Variants in NT5C2 observed in about 807,000 individuals in gnomAD.
NT5C2 encodes cytosolic purine 5'-nucleotidase.
NT5C2 carries 58 observed loss-of-function variants against 76.1 expected under a neutral mutation model. That is an observed-to-expected ratio of 0.76 (90% CI 0.62 to 0.95). The LOEUF (loss-of-function observed/expected upper bound fraction) is 0.95, where lower values mean the gene tolerates loss of function less well. Among genes scored for constraint, NT5C2 ranks in the 40% least tolerant of loss-of-function variants. The pLI is 0.00. For missense variants in NT5C2, 478 were observed against 690.3 expected (o/e 0.69, Z 3.45); for synonymous variants, 229 against 237.4 (o/e 0.96, Z 0.32).
At chr10:103,117,702 A>G (rs2074686156) in intron 4 of NT5C2, among the ~76,000 whole-genome samples, 1 of 152,230 alleles carries the variant, frequency 6.6e-6, no homozygotes. Flanking sequence ...TCCAGAAGCA[A>G]TATGTATTTA....
At chr10:103,162,237 A>T (rs184528706) in intron 3 of NT5C2, among the ~76,000 whole-genome samples, 1 of 152,006 alleles carries the variant, frequency 6.6e-6, no homozygotes, top group East Asian at 1.9e-4. Context: ...GATGGTCTCG[A>T]TCTCTTGACC....
intron 1 of NT5C2, among the ~76,000 whole-genome samples, chr10:103,189,771 C>A (rs921821120): frequency 1.3e-5 from 2 of 150,710 alleles, no homozygotes; most frequent in Non-Finnish European, 3.0e-5. Context: ...CAGGTTCAAG[C>A]GATTCTCGTG....
chr10:103,150,641 C>T (rs1485396742), intron 3 of NT5C2, among the ~76,000 whole-genome samples: 1 of 152,168 alleles, frequency 6.6e-6, no homozygotes. Flanking sequence ...ATGAGAGTTA[C>T]CATTGCTCCA....
chr10:103,176,844 A>G (rs1424513290), intron 2 of NT5C2, among the ~76,000 whole-genome samples: 1 of 151,922 alleles, frequency 6.6e-6, no homozygotes, highest in African/African-American at 2.4e-5. Flanking sequence ...TCATGTGGAA[A>G]CCTCCAGCTT....
chr10:103,114,224 C>G (rs905545462), intron 4 of NT5C2, among the ~76,000 whole-genome samples: 5 of 151,962 alleles, frequency 3.3e-5, no homozygotes, highest in Admixed American at 3.3e-4. Flanking sequence ...ACCAGCCTGG[C>G]CAATATGGTG....
At chr10:103,185,050 T>C (rs1449087541) in intron 1 of NT5C2, among the ~76,000 whole-genome samples, 1 of 152,198 alleles carries the variant, frequency 6.6e-6, no homozygotes, top group African/African-American at 2.4e-5. Flanking sequence ...ATTGCTACTA[T>C]CCTGCCATAT....
intron 4 of NT5C2, among the ~76,000 whole-genome samples, chr10:103,118,361 CTTT>C (rs35763505): frequency 1.5e-5 from 2 of 137,766 alleles, no homozygotes; most frequent in Non-Finnish European, 3.1e-5. Flanking sequence ...ATTTCTTTTC[CTTT>C]TTTTTTTTTT....
intron 3 of NT5C2, among the ~76,000 whole-genome samples, chr10:103,145,018 C>A (rs1226361302): frequency 6.6e-6 from 1 of 152,080 alleles, no homozygotes; most frequent in Non-Finnish European, 1.5e-5. Flanking sequence ...TTTTCTTTCC[C>A]TAATCTAGGC....
At chr10:103,094,240 G>T in intron 13 of NT5C2, 108 bp downstream of exon 13, 1 of 778,624 alleles carries the variant, frequency 1.3e-6, no homozygotes, top group South Asian at 1.7e-5. Flanking sequence ...AGAGAGATAC[G>T]GCTAATTAAA....
chr10:103,105,520 T>C (rs2071011471), intron 6 of NT5C2, 186 bp downstream of exon 6: 1 of 534,856 alleles, frequency 1.9e-6, no homozygotes, highest in Non-Finnish European at 3.2e-6. Flanking sequence ...AAAATGTAAT[T>C]GCTAACTATA....
intron 9 of NT5C2, 96 bp from the exon 10 acceptor site, chr10:103,099,080 CCTTT>C (rs747887104): frequency 1.3e-5 from 13 of 973,498 alleles, no homozygotes; most frequent in Non-Finnish European, 1.9e-5. Context: ...CAACCCAAAT[CCTTT>C]CTTTTTTTGA....
intron 4 of NT5C2, among the ~76,000 whole-genome samples, chr10:103,138,995 G>A (rs183103325): frequency 2.6e-4 from 39 of 150,098 alleles, no homozygotes; most frequent in Non-Finnish European, 4.3e-4. Flanking sequence ...GGACAAGAGC[G>A]AAACTCCGTC....
intron 1 of NT5C2, among the ~76,000 whole-genome samples, chr10:103,189,619 A>G (rs2135517811): frequency 6.6e-6 from 1 of 151,530 alleles, no homozygotes; most frequent in East Asian, 1.9e-4. Context: ...AAAAAAACGA[A>G]AAAAAAAACA....
intron 18 of NT5C2, 161 bp from the exon 19 acceptor site, chr10:103,090,069 G>A (rs2066320415): frequency 1.9e-6 from 1 of 520,658 alleles, no homozygotes; most frequent in Non-Finnish European, 3.3e-6. Context: ...ACTTATAGTT[G>A]CCTGTCTTCC....
At chr10:103,169,610 C>A (rs1239965929) in intron 3 of NT5C2, among the ~76,000 whole-genome samples, 1 of 139,960 alleles carries the variant, frequency 7.1e-6, no homozygotes, top group African/African-American at 2.5e-5. Context: ...CAGAGCAAGA[C>A]CCTGTCTCAA....
chr10:103,090,949 T>C lies in NT5C2; in HGVS notation c.1259A>G (p.Gln420Arg), dbSNP rs1294333255. The change falls in exon 17 of 19, where the codon CAG (glutamine) becomes CGG (arginine). Residue 420 changes from glutamine to arginine, a missense_variant. Transcript: ENST00000404739. The part of the protein sequence containing the change: ...SNERPDISSI[Q>R]RRIKKVTHDM... ...CCATTTGGATACCTTAATACGTCTC[T>C]GGATGGAACTGATGTCTGGACGCTC... is the stretch of plus-strand genomic sequence containing the variant. The C allele has an allele frequency of 3.7e-6, 6 of 1,614,002 alleles. No individual in the cohort carries two copies. Among genetic ancestry groups the C allele is most frequent in the Non-Finnish European group, 4.2e-6 (5 of 1,179,914 alleles).
intron 4 of NT5C2, among the ~76,000 whole-genome samples, chr10:103,117,202 T>C (rs1011730106): frequency 3.3e-5 from 5 of 152,198 alleles, no homozygotes; most frequent in African/African-American, 1.2e-4. Context: ...TGTCTCTCTC[T>C]AAAAGACAAT....
chr10:103,146,060 G>C, intron 3 of NT5C2: 1 of 985,338 alleles, frequency 1.0e-6, no homozygotes, highest in Non-Finnish European at 1.2e-6. Context: ...GTTTTGAAAA[G>C]TGTAAAACTA....
intron 4 of NT5C2, among the ~76,000 whole-genome samples, chr10:103,128,187 T>G (rs1017760970): frequency 2.1e-5 from 3 of 145,030 alleles, no homozygotes; most frequent in African/African-American, 7.5e-5. Flanking sequence ...CTGATTCTCC[T>G]GCCTCAGCCT....
Sources: allele counts gnomAD v4.1 joint callset (sites outside exome capture counted in the v4.1 genomes callset), GRCh38; gene constraint gnomAD v4.1.1; transcripts MANE v1.5; gene names NCBI Gene and HGNC (gene_info 2026-07-23, HGNC 2026-07-21).